The following SLC17A1 variants were observed in gnomAD, a reference collection of about 807,000 sequenced individuals.
SLC17A1 encodes the protein solute carrier family 17 member 1.
In SLC17A1, 51 loss-of-function variants were observed where a neutral mutation model predicts 53.5. That is an observed-to-expected ratio of 0.95 (90% CI 0.76 to 1.20). The LOEUF (loss-of-function observed/expected upper bound fraction) is 1.20, where lower values mean the gene tolerates loss of function less well. SLC17A1 is among the 50% of genes most tolerant of loss of function. The probability of loss-of-function intolerance (pLI) is 0.00; values close to 1 mark genes in which losing one functional copy is unlikely to be tolerated. For missense variants in SLC17A1, 538 were observed against 568.2 expected (o/e 0.95, Z 0.54); for synonymous variants, 179 against 198.8 (o/e 0.90, Z 0.84).
chr6:25,786,018 C>T (rs1461955231), intron 12 of SLC17A1, among the ~76,000 whole-genome samples: 3 of 152,192 alleles, frequency 2.0e-5, no homozygotes, highest in Non-Finnish European at 2.9e-5. Flanking sequence ...AAAACTTGTA[C>T]ACACAAATGC....
intron 3 of SLC17A1, 89 bp downstream of exon 3, chr6:25,826,372 T>C (rs1411662819): frequency 1.9e-6 from 2 of 1,032,790 alleles, no homozygotes; most frequent in Non-Finnish European, 1.4e-6. Flanking sequence ...TCAAATATAG[T>C]ATCATATCAG....
chr6:25,822,713 A>G (rs1220682733), intron 3 of SLC17A1, among the ~76,000 whole-genome samples: 1 of 152,166 alleles, frequency 6.6e-6, no homozygotes, highest in Non-Finnish European at 1.5e-5. Context: ...TCTCTAGAAT[A>G]TGAGGTTCTC....
chr6:25,727,544 A>G, the SLC17A1 span, among the ~76,000 whole-genome samples: 1 of 149,534 alleles, frequency 6.7e-6, no homozygotes, highest in African/African-American at 2.5e-5. Context: ...GGCTCCCACC[A>G]CTACACCCGG....
chr6:25,797,154 A>G (rs1414533460), intron 12 of SLC17A1, among the ~76,000 whole-genome samples: 2 of 152,238 alleles, frequency 1.3e-5, no homozygotes, highest in Non-Finnish European at 2.9e-5. Flanking sequence ...AAAAACAAAC[A>G]AACAAAACCC....
At chr6:25,726,580 T>C in the SLC17A1 span, 2 of 1,557,382 alleles carry the variant, frequency 1.3e-6, no homozygotes, top group Non-Finnish European at 1.7e-6. Context: ...GGGCTGCTAC[T>C]GGGCCTATTT....
At chr6:25,791,592 G>T (rs1261673015) in intron 12 of SLC17A1, among the ~76,000 whole-genome samples, 2 of 152,218 alleles carry the variant, frequency 1.3e-5, no homozygotes, top group South Asian at 2.1e-4. Context: ...CTTAAGCCAT[G>T]CAATAAACGT....
At chr6:25,740,382 C>CT in the SLC17A1 span, among the ~76,000 whole-genome samples, 5 of 140,776 alleles carry the variant, frequency 3.6e-5, no homozygotes, top group Non-Finnish European at 8.2e-5. Context: ...TCTACAAAGT[C>CT]ATTTTTTTTT....
the SLC17A1 span, among the ~76,000 whole-genome samples, chr6:25,761,037 A>G: frequency 6.6e-6 from 1 of 152,216 alleles, no homozygotes; most frequent in Non-Finnish European, 1.5e-5. Flanking sequence ...CTTCATCTGC[A>G]GTAATTCTGT....
chr6:25,726,526 A>C, the SLC17A1 span: 1 of 1,603,716 alleles, frequency 6.2e-7, no homozygotes, highest in Non-Finnish European at 8.5e-7. Flanking sequence ...TCGTCCAGAC[A>C]TCTCCTCGCA....
chr6:25,728,988 G>A, the SLC17A1 span, among the ~76,000 whole-genome samples: 1 of 152,156 alleles, frequency 6.6e-6, no homozygotes, highest in Non-Finnish European at 1.5e-5. Flanking sequence ...TGCTCACCTT[G>A]TATTGGGGAT....
rs752970228 is a variant in SLC17A1 at position 25,819,827 on chromosome 6, C to A, written c.296G>T (p.Gly99Val). 2 of 1,614,054 alleles carry A rather than the reference C, an allele frequency of 1.2e-6. No homozygotes were observed. The highest frequency in any genetic ancestry group is 2.2e-5 in the South Asian group (2 of 91,078). ...TGTAGAATATATTCCAGAGAAGTAT[C>A]CAACAGGAACTTGGATGATGATGAC... is the stretch of plus-strand genomic sequence containing the variant. Reference protein sequence around the residue: ...YGVIIIQVPVGYFSGIYSTKK... With the variant: ...YGVIIIQVPVVYFSGIYSTKK... The change falls in exon 4 of 13, where the codon GGA (glycine) becomes GTA (valine). Residue 99 changes from glycine (G) to valine (V), a missense_variant. Transcript: ENST00000244527.
chr6:25,784,613 T>C (rs1159970834), intron 12 of SLC17A1, among the ~76,000 whole-genome samples: 1 of 152,176 alleles, frequency 6.6e-6, no homozygotes. Context: ...AAACACCTCG[T>C]ACTACGCCCC....
At chr6:25,726,349 G>A in the SLC17A1 span, 4 of 1,614,168 alleles carry the variant, frequency 2.5e-6, no homozygotes, top group Non-Finnish European at 3.4e-6. Flanking sequence ...GATTTCTGCT[G>A]TGAGATACTC....
At chr6:25,727,856 A>G in the SLC17A1 span, among the ~76,000 whole-genome samples, 1 of 151,900 alleles carries the variant, frequency 6.6e-6, no homozygotes, top group Non-Finnish European at 1.5e-5. Flanking sequence ...CGTCTCTACT[A>G]AAAATACAAA....
At chr6:25,816,988 T>C (rs1165154) in intron 6 of SLC17A1, among the ~76,000 whole-genome samples, 100,345 of 151,866 alleles carry the variant, frequency 0.66, 34,863 homozygotes, top group African/African-American at 0.87. Context: ...GCTGGGATTA[T>C]AGGTGCCTGC....
At chr6:25,818,477 T>G (rs1442016611) in intron 6 of SLC17A1, among the ~76,000 whole-genome samples, 1 of 152,192 alleles carries the variant, frequency 6.6e-6, no homozygotes, top group Non-Finnish European at 1.5e-5. Flanking sequence ...AATTTTGCCT[T>G]AAGTATATGA....
the SLC17A1 span, chr6:25,776,544 G>T: frequency 6.5e-7 from 1 of 1,546,126 alleles, no homozygotes; most frequent in Non-Finnish European, 8.7e-7. Context: ...TGTCTGTGTC[G>T]TGGTGGGGGT....
At position 25,798,922 on chromosome 6, in the gene SLC17A1, A is replaced by G; in HGVS notation, c.1270-3T>C. On this transcript the variant is annotated splice_region_variant and splice_polypyrimidine_tract_variant and intron_variant, in intron 11 of 12. Transcript: ENST00000244527. The stretch of plus-strand genomic sequence containing the variant: ...TTAAACCAGGCGGATTCCGGATCCT[A>G]AGGAATTAAAATTCAAAGTAATTGT... 6.4e-7 allele frequency: 1 copy of G among 1,552,178 alleles called. No individual in the cohort carries two copies. The highest frequency in any genetic ancestry group is 8.8e-7 in the Non-Finnish European group (1 of 1,139,328).
the SLC17A1 span, among the ~76,000 whole-genome samples, chr6:25,733,540 G>A: frequency 6.6e-6 from 1 of 151,898 alleles, no homozygotes; most frequent in Non-Finnish European, 1.5e-5. Flanking sequence ...AAGATAAAAG[G>A]TACATACAGG....
Sources: gnomAD v4.1 joint callset for allele counts (sites outside exome capture counted in the v4.1 genomes callset) on GRCh38, gnomAD v4.1.1 for gene constraint, MANE v1.5 for transcripts, NCBI Gene and HGNC (gene_info 2026-07-23, HGNC 2026-07-21) for gene names.